The following CALD1 variants were observed in gnomAD, a reference collection of about 807,000 sequenced individuals.
CALD1 encodes the protein caldesmon.
A neutral mutation model predicts 99.9 loss-of-function variants in CALD1; 33 were observed. That is an observed-to-expected ratio of 0.33 (90% CI 0.25 to 0.44). The LOEUF is 0.44. Among genes scored for constraint, CALD1 ranks in the 20% least tolerant of loss-of-function variants. The pLI is 1.00. For synonymous variants in CALD1, 310 were observed against 325.0 expected (o/e 0.95, Z 0.50); for missense variants, 861 against 962.1 (o/e 0.89, Z 1.39).
chr7:134,890,169 T>G (rs941682214), intron 3 of CALD1, among the ~76,000 whole-genome samples: 10 of 152,116 alleles, frequency 6.6e-5, no homozygotes, highest in Non-Finnish European at 1.5e-4. Context: ...CCTCCCCGAG[T>G]GCTGGGATTA....
intron 1 of CALD1, among the ~76,000 whole-genome samples, chr7:134,840,739 T>A (rs1351245634): frequency 6.6e-6 from 1 of 152,242 alleles, no homozygotes; most frequent in Non-Finnish European, 1.5e-5. Flanking sequence ...TGGGTTTTAA[T>A]TCTAACTTGT....
rs1797177236 is a variant in CALD1, at chr7:134,783,244, TC to T, written c.-130+3498del. 6.6e-6 allele frequency among the ~76,000 whole-genome samples: 1 copy of T among 152,104 alleles called. No homozygotes were observed. Among genetic ancestry groups the T allele is most frequent in the Non-Finnish European group, 1.5e-5 (1 of 68,026 alleles). On this transcript the variant is annotated intron_variant, in intron 1 of 14. Transcript: ENST00000361675. This position sits in a 1 kb window ranked among gnomAD's most constrained non-coding sequence, Gnocchi z 4.3. ...ACCTCTTTGCTTCTGTCTTTAGTGC[TC>T]CCAGCTGTAACCGACCCTAGTTGCA... is the stretch of plus-strand genomic sequence containing the variant.
intron 9 of CALD1, among the ~76,000 whole-genome samples, chr7:134,957,263 C>T (rs1453336334): frequency 6.6e-6 from 1 of 152,196 alleles, no homozygotes; most frequent in Non-Finnish European, 1.5e-5. Flanking sequence ...GACTAGTTCA[C>T]ATTTCCTAGT....
chr7:134,874,423 C>T lies in CALD1; in HGVS notation c.71+6619C>T, dbSNP rs185395905. 1.1e-3 allele frequency among the ~76,000 whole-genome samples: 165 copies of T among 152,244 alleles called. 1 individual carries two copies. Among genetic ancestry groups the T allele is most frequent in the Non-Finnish European group, 1.2e-3 (80 of 68,016 alleles). Reference sequence around the variant, plus strand: ...CAAACTCCTGGCCTCAAGTGCTCCACCGGCCTCAGCCTCCCAAAGTACTGG... The same window carrying T: ...CAAACTCCTGGCCTCAAGTGCTCCATCGGCCTCAGCCTCCCAAAGTACTGG... On this transcript the variant is annotated intron_variant, in intron 3 of 14. Coordinates refer to ENST00000361675, the MANE Select transcript of CALD1 (RefSeq NM_033138.4).
chr7:134,744,161 G>A (rs1176323434), upstream of CALD1: 1 of 152,194 alleles, frequency 6.6e-6, no homozygotes, highest in Non-Finnish European at 1.5e-5. Context: ...GTAGCAGCTT[G>A]TAGTAATGAG....
At chr7:134,940,752 C>CT in intron 6 of CALD1, among the ~76,000 whole-genome samples, 1 of 152,326 alleles carries the variant, frequency 6.6e-6, no homozygotes, top group East Asian at 1.9e-4. Flanking sequence ...AATAATTGCT[C>CT]TTCCCAGTGG....
chr7:134,940,545 A>C (rs1806347752), intron 6 of CALD1, among the ~76,000 whole-genome samples: 1 of 152,234 alleles, frequency 6.6e-6, no homozygotes, highest in African/African-American at 2.4e-5. Context: ...TAGGGTTAGT[A>C]AATGTCCCAT....
intron 9 of CALD1, among the ~76,000 whole-genome samples, chr7:134,955,949 T>C (rs572961601): frequency 6.6e-6 from 1 of 152,262 alleles, no homozygotes; most frequent in South Asian, 2.1e-4. Flanking sequence ...TAATATTTAT[T>C]AAAAGTGCCA....
chr7:134,786,476 A>G (rs1797310080), intron 1 of CALD1, among the ~76,000 whole-genome samples: 1 of 152,094 alleles, frequency 6.6e-6, no homozygotes, highest in African/African-American at 2.4e-5. Context: ...CCAGTGATCT[A>G]TTTTTTATTC....
At chr7:134,889,010 C>T (rs993336198) in intron 3 of CALD1, among the ~76,000 whole-genome samples, 1 of 152,162 alleles carries the variant, frequency 6.6e-6, no homozygotes, top group African/African-American at 2.4e-5. Flanking sequence ...ATTTTATGAA[C>T]CTATTCTGAA....
chr7:134,952,557 G>A (rs1365573997), intron 9 of CALD1, among the ~76,000 whole-genome samples: 4 of 149,550 alleles, frequency 2.7e-5, no homozygotes, highest in Admixed American at 1.3e-4. Flanking sequence ...TGCAACTTCC[G>A]CCTCCCAGGT....
chr7:134,833,790 T>C (rs1799323313), intron 1 of CALD1, among the ~76,000 whole-genome samples: 1 of 152,204 alleles, frequency 6.6e-6, no homozygotes, highest in African/African-American at 2.4e-5. Context: ...CTTGTCTTTC[T>C]CCATCTCTGC....
chr7:134,810,250 T>C (rs1177527585), intron 1 of CALD1, among the ~76,000 whole-genome samples: 1 of 152,202 alleles, frequency 6.6e-6, no homozygotes, highest in African/African-American at 2.4e-5. Flanking sequence ...AATAAATCAG[T>C]GGTCGGAGAT....
At chr7:134,718,436 C>T in the CALD1 span, among the ~76,000 whole-genome samples, 6 of 151,980 alleles carry the variant, frequency 3.9e-5, no homozygotes, top group East Asian at 1.9e-4. Context: ...GGATTTGAGC[C>T]GAGGCAGGTT....
chr7:134,853,739 T>C, intron 2 of CALD1, among the ~76,000 whole-genome samples: 1 of 152,212 alleles, frequency 6.6e-6, no homozygotes, highest in East Asian at 1.9e-4. Flanking sequence ...CTTTAAGTTC[T>C]GGGGTACATG....
At chr7:134,753,107 G>A (rs1326696676) in intron 1 of CALD1, among the ~76,000 whole-genome samples, 7 of 151,788 alleles carry the variant, frequency 4.6e-5, no homozygotes, top group African/African-American at 1.7e-4. Context: ...TTAATGGAAT[G>A]CTATATTGGG....
At chr7:134,885,229 G>A (rs925609939) in intron 3 of CALD1, among the ~76,000 whole-genome samples, 21 of 152,018 alleles carry the variant, frequency 1.4e-4, no homozygotes, top group African/African-American at 4.6e-4. Context: ...CCCGACACCC[G>A]GCACCATACG....
chr7:134,850,210 T>C (rs182745293), intron 2 of CALD1, among the ~76,000 whole-genome samples: 91 of 152,364 alleles, frequency 6.0e-4, no homozygotes, highest in African/African-American at 2.0e-3. Context: ...CAAGGCCTCC[T>C]GCTGACAGGA....
chr7:134,858,442 C>T lies in CALD1; in HGVS notation c.-41-9251C>T, dbSNP rs148741598. On this transcript the variant is annotated intron_variant, in intron 2 of 14. Coordinates refer to ENST00000361675, the MANE Select transcript of CALD1 (RefSeq NM_033138.4). ...TGAGATGCTGACCCATACAACACCC[C>T]ACAACTTACCACATCTTTTCTATGA... 2.1e-3 allele frequency among the ~76,000 whole-genome samples: 318 copies of T among 152,216 alleles called. 4 individuals are homozygous for T. The highest frequency in any genetic ancestry group is 7.2e-3 in the African/African-American group (300 of 41,480).
Sources: allele counts gnomAD v4.1 joint callset (sites outside exome capture counted in the v4.1 genomes callset), GRCh38; gene constraint gnomAD v4.1.1; non-coding constraint Gnocchi (gnomAD v3.1); transcripts MANE v1.5; gene names NCBI Gene and HGNC (gene_info 2026-07-23, HGNC 2026-07-21).